ZCWPW2: variants seen among roughly 807,000 people sequenced by gnomAD.
ZCWPW2 encodes the protein zinc finger CW-type and PWWP domain containing 2.
A neutral mutation model predicts 46.6 loss-of-function variants in ZCWPW2; 45 were observed. That is an observed-to-expected ratio of 0.96 (90% CI 0.76 to 1.24). ZCWPW2 has a LOEUF of 1.24. ZCWPW2 is among the 50% of genes most tolerant of loss of function. The pLI is 0.00. For synonymous variants in ZCWPW2, 152 were observed against 137.1 expected (o/e 1.11, Z -0.76); for missense variants, 429 against 403.9 (o/e 1.06, Z -0.53).
At chr3:28,488,140 A>G (rs1699669279) in intron 5 of ZCWPW2, among the ~76,000 whole-genome samples, 1 of 152,170 alleles carries the variant, frequency 6.6e-6, no homozygotes, top group Admixed American at 6.6e-5. Context: ...CCCTCCCACC[A>G]TGACTAGGTC....
At chr3:28,448,921 T>A (rs1698115587) in intron 4 of ZCWPW2, among the ~76,000 whole-genome samples, 1 of 145,682 alleles carries the variant, frequency 6.9e-6, no homozygotes, top group Non-Finnish European at 1.5e-5. Context: ...GCAAAACCCA[T>A]CCTAAATTTA....
intron 5 of ZCWPW2, among the ~76,000 whole-genome samples, chr3:28,483,907 G>A (rs1258323319): frequency 2.0e-5 from 3 of 152,020 alleles, no homozygotes; most frequent in Non-Finnish European, 4.4e-5. Context: ...TTACTACATA[G>A]ACAATCATAT....
rs113184036 is a variant in ZCWPW2 at position 28,438,226 on chromosome 3, T to C, written c.492+2957T>C. On this transcript the variant is annotated intron_variant, in intron 4 of 9. Transcript: ENST00000383768. ...GACAATGAAAGGGGCAGCTAGCTAC[T>C]GTTATTGTAATCTCCCTCATTTGTG... 4.3e-3 allele frequency among the ~76,000 whole-genome samples: 661 copies of C among 152,320 alleles called. 5 individuals are homozygous for C. The highest frequency in any genetic ancestry group is 0.017 in the Middle Eastern group (5 of 294).
chr3:28,391,863 A>G (rs1182925743), intron 2 of ZCWPW2, among the ~76,000 whole-genome samples: 1 of 152,078 alleles, frequency 6.6e-6, no homozygotes, highest in Non-Finnish European at 1.5e-5. Flanking sequence ...AACCCAGTGC[A>G]TGCCCCAGCC....
chr3:28,457,552 C>A (rs534735079), intron 4 of ZCWPW2, among the ~76,000 whole-genome samples: 3 of 152,192 alleles, frequency 2.0e-5, no homozygotes, highest in African/African-American at 7.2e-5. Context: ...TAAACCTGTA[C>A]ACTTCTTGCA....
intron 4 of ZCWPW2, among the ~76,000 whole-genome samples, chr3:28,472,471 G>T (rs1280265212): frequency 6.6e-6 from 1 of 152,056 alleles, no homozygotes; most frequent in East Asian, 1.9e-4. Context: ...ACATACATTA[G>T]GAAAAGGACA....
At chr3:28,361,264 T>C (rs1000171590) in intron 1 of ZCWPW2, among the ~76,000 whole-genome samples, 2 of 152,164 alleles carry the variant, frequency 1.3e-5, no homozygotes, top group South Asian at 2.1e-4. Context: ...ATGCCAGAAC[T>C]ACATAATAGG....
intron 1 of ZCWPW2, among the ~76,000 whole-genome samples, chr3:28,356,867 G>A (rs2125689530): frequency 6.6e-6 from 1 of 152,188 alleles, no homozygotes; most frequent in Non-Finnish European, 1.5e-5. Context: ...GGTGGGAGAA[G>A]GGGGGAAGGA....
intron 2 of ZCWPW2, among the ~76,000 whole-genome samples, chr3:28,392,798 A>T (rs187501188): frequency 6.6e-6 from 1 of 152,258 alleles, no homozygotes; most frequent in East Asian, 1.9e-4. Context: ...TGATGGGCTG[A>T]TACAAAAACA....
chr3:28,399,346 C>G (rs1481430038), intron 2 of ZCWPW2, among the ~76,000 whole-genome samples: 3 of 152,108 alleles, frequency 2.0e-5, no homozygotes, highest in Non-Finnish European at 2.9e-5. Context: ...TCTTTCCTAC[C>G]CACCCTGGTA....
intron 1 of ZCWPW2, among the ~76,000 whole-genome samples, chr3:28,363,963 TACTC>T (rs1369660214): frequency 6.6e-6 from 1 of 152,176 alleles, no homozygotes; most frequent in African/African-American, 2.4e-5. Flanking sequence ...CTGTCAGACT[TACTC>T]TATCTCAAAT....
chr3:28,516,585 A>C (rs554553658), intron 8 of ZCWPW2, among the ~76,000 whole-genome samples: 1 of 152,196 alleles, frequency 6.6e-6, no homozygotes, highest in Non-Finnish European at 1.5e-5. Context: ...TTTGGCAGTC[A>C]TGTTCAAAGC....
chr3:28,492,094 T>C, intron 5 of ZCWPW2, 33 bp from the exon 6 acceptor site: 1 of 1,604,980 alleles, frequency 6.2e-7, no homozygotes, highest in Non-Finnish European at 8.5e-7. Context: ...CATAGGCACT[T>C]TTTTGAAGCA....
At chr3:28,473,884 G>C (rs1699129191) in intron 4 of ZCWPW2, among the ~76,000 whole-genome samples, 1 of 152,166 alleles carries the variant, frequency 6.6e-6, no homozygotes. Flanking sequence ...GAAGGTTAAT[G>C]GAGTGTCAGG....
chr3:28,407,790 A>G (rs1274240778), intron 2 of ZCWPW2, among the ~76,000 whole-genome samples: 1 of 152,220 alleles, frequency 6.6e-6, no homozygotes, highest in Non-Finnish European at 1.5e-5. Flanking sequence ...AATGAAGCAA[A>G]TATTGTACTC....
At chr3:28,399,096 G>A (rs1695820677) in intron 2 of ZCWPW2, among the ~76,000 whole-genome samples, 1 of 152,172 alleles carries the variant, frequency 6.6e-6, no homozygotes, top group African/African-American at 2.4e-5. Context: ...ATGTTGCTGG[G>A]GGCATGGTGG....
At chr3:28,412,943 G>C (rs1268737398) in intron 2 of ZCWPW2, 113 bp from the exon 3 acceptor site, 2 of 739,970 alleles carry the variant, frequency 2.7e-6, no homozygotes, top group East Asian at 2.7e-5. Context: ...AGGATAGAGA[G>C]GGGGTGGGCA....
At chr3:28,368,010 C>G (rs112633590) in intron 1 of ZCWPW2, among the ~76,000 whole-genome samples, 5 of 152,212 alleles carry the variant, frequency 3.3e-5, no homozygotes, top group African/African-American at 1.2e-4. Flanking sequence ...AGATCTTCCT[C>G]CATCCCTTTA....
intron 5 of ZCWPW2, among the ~76,000 whole-genome samples, chr3:28,485,571 T>A (rs1408386754): frequency 6.6e-6 from 1 of 152,166 alleles, no homozygotes; most frequent in African/African-American, 2.4e-5. Flanking sequence ...GATGCTCTGT[T>A]GTTAGGTGCA....
Sources: allele counts gnomAD v4.1 joint callset (sites outside exome capture counted in the v4.1 genomes callset), GRCh38; gene constraint gnomAD v4.1.1; transcripts MANE v1.5; gene names NCBI Gene and HGNC (gene_info 2026-07-23, HGNC 2026-07-21).